The following SUPT3H variants were observed in gnomAD, a reference collection of about 807,000 sequenced individuals.
The protein encoded by SUPT3H is SPT3 homolog, SAGA and STAGA complex component.
A neutral mutation model predicts 44.3 loss-of-function variants in SUPT3H; 44 were observed. That is an observed-to-expected ratio of 0.99 (90% CI 0.78 to 1.28). SUPT3H has a LOEUF of 1.28. SUPT3H is among the 50% of genes most tolerant of loss of function. The pLI, the probability that SUPT3H is intolerant of heterozygous loss-of-function variation, is 0.00. For synonymous variants in SUPT3H, 124 were observed against 125.6 expected, an observed-to-expected ratio of 0.99 and a Z score of 0.09; for missense variants, 380 against 387.1, an observed-to-expected ratio of 0.98 and a Z score of 0.15.
rs576258936 is a variant in SUPT3H at position 45,311,305 on chromosome 6, G to T, written c.101+53896C>A. ...ACAACCAAACCTAAGAATACTCTGT[G>T]GAGAATGCACAATTACTAACAGACC... On this transcript the variant is annotated intron_variant, in intron 2 of 10. Transcript: ENST00000371459. Among the ~76,000 whole-genome samples the T allele has an allele frequency of 1.1e-4, 16 of 152,294 alleles. No individual in the cohort carries two copies. The South Asian group carries it at 1.2e-3, about 12-fold the overall frequency.
At chr6:44,994,382 C>CTTCCTAG (rs1781002304) in intron 6 of SUPT3H, among the ~76,000 whole-genome samples, 1 of 152,138 alleles carries the variant, frequency 6.6e-6, no homozygotes, top group Non-Finnish European at 1.5e-5. Context: ...GAGAGTTGAA[C>CTTCCTAG]AGAGCGCCAA....
chr6:45,139,049 T>C lies in SUPT3H; in HGVS notation c.102-33043A>G, dbSNP rs141577220. On this transcript the variant is annotated intron_variant, in intron 2 of 10. Coordinates refer to ENST00000371459, the MANE Select transcript of SUPT3H (RefSeq NM_003599.4). ...AAAATTCCTAGCTACCTCAAGCATA[T>C]AAATGCAGTGCCTATTAAAAGTCTA... 1.8e-4 allele frequency among the ~76,000 whole-genome samples: 27 copies of C among 152,318 alleles called. No homozygotes were observed. The East Asian group carries it at 5.0e-3, about 28-fold the overall frequency.
At chr6:45,368,897 T>C (rs1384775868) in intron 1 of SUPT3H, among the ~76,000 whole-genome samples, 2 of 152,132 alleles carry the variant, frequency 1.3e-5, no homozygotes, top group Admixed American at 6.6e-5. Context: ...AACACTATTA[T>C]GCACTGAGTT....
intron 2 of SUPT3H, among the ~76,000 whole-genome samples, chr6:45,188,857 T>A (rs2153617464): frequency 6.6e-6 from 1 of 152,350 alleles, no homozygotes; most frequent in South Asian, 2.1e-4. Context: ...TGAGTTCACG[T>A]CATTGCAGAC....
At chr6:44,839,481 A>T (rs540462503) in intron 10 of SUPT3H, among the ~76,000 whole-genome samples, 24 of 150,246 alleles carry the variant, frequency 1.6e-4, no homozygotes, top group Middle Eastern at 3.7e-3. Context: ...AATTAAAAAA[A>T]TTTTTTTTAG....
At position 45,154,838 on chromosome 6, in the gene SUPT3H, C is replaced by T. The variant is rs111467809; in HGVS notation, c.102-48832G>A. On this transcript the variant is annotated intron_variant, in intron 2 of 10. Transcript: ENST00000371459. ...TACCTGTTAAATAAACGTGTATGCC[C>T]TTTCCCCTATTAATCTGCCTTTTGT... Among the ~76,000 whole-genome samples the T allele has an allele frequency of 9.0e-3, 1,376 of 152,274 alleles. 14 individuals are homozygous for T. The highest frequency in any genetic ancestry group is 0.028 in the South Asian group (136 of 4,824).
At chr6:44,986,699 TTTCA>T (rs1334842691) in intron 6 of SUPT3H, among the ~76,000 whole-genome samples, 1 of 152,078 alleles carries the variant, frequency 6.6e-6, no homozygotes, top group African/African-American at 2.4e-5. Flanking sequence ...CTAAAGATAT[TTTCA>T]TTATTTGTTT....
At chr6:45,176,590 G>A (rs1256745338) in intron 2 of SUPT3H, among the ~76,000 whole-genome samples, 4 of 152,154 alleles carry the variant, frequency 2.6e-5, no homozygotes, top group Non-Finnish European at 2.9e-5. Flanking sequence ...AAGGAGACCT[G>A]CCTGCCTCTG....
At chr6:45,028,837 C>G (rs539210034) in intron 3 of SUPT3H, among the ~76,000 whole-genome samples, 4 of 135,042 alleles carry the variant, frequency 3.0e-5, no homozygotes, top group African/African-American at 1.1e-4. Flanking sequence ...AAAAGTCTAA[C>G]CATAAAAATG....
chr6:44,929,964 T>C (rs940121379), intron 10 of SUPT3H, among the ~76,000 whole-genome samples: 8 of 152,208 alleles, frequency 5.3e-5, no homozygotes, highest in African/African-American at 1.9e-4. Context: ...AAAGCATAGG[T>C]AGCCTGGGCG....
intron 10 of SUPT3H, among the ~76,000 whole-genome samples, chr6:44,879,552 T>C (rs12663530): frequency 0.12 from 18,412 of 152,090 alleles, 1,463 homozygotes; most frequent in East Asian, 0.27. Context: ...GCAGTGGATC[T>C]CCCAGCACAG....
chr6:45,026,809 TCTC>T (rs1395613938), intron 3 of SUPT3H, among the ~76,000 whole-genome samples: 1 of 152,088 alleles, frequency 6.6e-6, no homozygotes, highest in African/African-American at 2.4e-5. Flanking sequence ...TTTGACCATC[TCTC>T]CTCTTGACTT....
chr6:45,177,989 G>T (rs1189959431), intron 2 of SUPT3H, among the ~76,000 whole-genome samples: 3 of 152,116 alleles, frequency 2.0e-5, no homozygotes, highest in Non-Finnish European at 2.9e-5. Flanking sequence ...AGACCATGGG[G>T]ACTAGGAAGA....
chr6:45,278,528 G>A (rs916776443), intron 2 of SUPT3H, among the ~76,000 whole-genome samples: 1 of 152,060 alleles, frequency 6.6e-6, no homozygotes, highest in Non-Finnish European at 1.5e-5. Context: ...AAAACAAAAT[G>A]GCAAATGACT....
chr6:45,096,635 A>G (rs1797825934), intron 3 of SUPT3H, among the ~76,000 whole-genome samples: 1 of 152,204 alleles, frequency 6.6e-6, no homozygotes. Flanking sequence ...TGATTTAAGT[A>G]AAAACTTCTA....
intron 2 of SUPT3H, among the ~76,000 whole-genome samples, chr6:45,284,522 C>T (rs1778835446): frequency 6.6e-6 from 1 of 152,174 alleles, no homozygotes; most frequent in African/African-American, 2.4e-5. Context: ...TTAACACATA[C>T]ACCCTCCCAA....
At chr6:44,849,474 G>A (rs1006224154) in intron 10 of SUPT3H, among the ~76,000 whole-genome samples, 9 of 151,786 alleles carry the variant, frequency 5.9e-5, no homozygotes, top group Admixed American at 1.3e-4. Context: ...TGATCCGCCC[G>A]CCTCGGCCTC....
At chr6:45,280,617 T>C (rs2153666199) in intron 2 of SUPT3H, among the ~76,000 whole-genome samples, 1 of 152,360 alleles carries the variant, frequency 6.6e-6, no homozygotes, top group East Asian at 1.9e-4. Context: ...GTCTATCTTC[T>C]GTCTCTTTTC....
intron 10 of SUPT3H, among the ~76,000 whole-genome samples, chr6:44,857,626 C>T (rs553079644): frequency 2.2e-4 from 34 of 152,050 alleles, no homozygotes; most frequent in Non-Finnish European, 4.7e-4. Flanking sequence ...TTTAAAAGTT[C>T]TTTTCTATTC....
Sources: allele counts gnomAD v4.1 joint callset (sites outside exome capture counted in the v4.1 genomes callset), GRCh38; gene constraint gnomAD v4.1.1; transcripts MANE v1.5; gene names NCBI Gene and HGNC (gene_info 2026-07-23, HGNC 2026-07-21).